SAMD3: variants seen among roughly 807,000 people sequenced by gnomAD.
SAMD3 encodes the protein sterile alpha motif domain-containing protein 3.
SAMD3 carries 63 observed loss-of-function variants against 58.5 expected under a neutral mutation model. The ratio of observed to expected loss-of-function variants is 1.08; its 90% CI spans 0.88 to 1.33. The LOEUF (loss-of-function observed/expected upper bound fraction) is 1.33, where lower values mean the gene tolerates loss of function less well. Among genes scored for constraint, SAMD3 ranks in the 40% most tolerant of loss-of-function variants. The probability of loss-of-function intolerance (pLI) is 0.00; values close to 1 mark genes in which losing one functional copy is unlikely to be tolerated. For missense variants in SAMD3, 604 were observed against 608.4 expected (o/e 0.99, Z 0.08); for synonymous variants, 220 against 210.3 (o/e 1.05, Z -0.40).
At chr6:130,333,627 C>A (rs533975021) in intron 1 of SAMD3, among the ~76,000 whole-genome samples, 1 of 152,236 alleles carries the variant, frequency 6.6e-6, no homozygotes, top group South Asian at 2.1e-4. Context: ...TAAAATTAAA[C>A]CTTGAAGAAG....
intron 2 of SAMD3, chr6:130,216,004 C>A: frequency 2.1e-6 from 1 of 467,504 alleles, no homozygotes; most frequent in South Asian, 5.0e-5. Context: ...GGATAAACTA[C>A]CACACTGACT....
In SAMD3 at chr6:130,204,985, G is replaced by A. The variant is rs898541773; in HGVS notation, c.383+4510C>T. 3.4e-4 allele frequency among the ~76,000 whole-genome samples: 52 copies of A among 151,968 alleles called. 1 individual carries two copies. The highest frequency in any genetic ancestry group is 1.3e-3 in the African/African-American group (52 of 41,366). ...AGAGACCACTTGTTGGGCAAGTGGA[G>A]GAGTCAGGATTTGAACCCAATGTGT... On this transcript the variant is annotated intron_variant, in intron 5 of 11. Coordinates refer to ENST00000439090, the MANE Select transcript of SAMD3 (RefSeq NM_001017373.4).
intron 2 of SAMD3, among the ~76,000 whole-genome samples, chr6:130,290,595 A>G (rs529388239): frequency 6.6e-6 from 1 of 152,356 alleles, no homozygotes; most frequent in South Asian, 2.1e-4. Context: ...ATTAAGATGA[A>G]TATCTGGGCT....
intron 2 of SAMD3, among the ~76,000 whole-genome samples, chr6:130,311,908 A>G (rs1776183103): frequency 6.6e-6 from 1 of 152,092 alleles, no homozygotes; most frequent in Non-Finnish European, 1.5e-5. Flanking sequence ...GGGGCCTTTG[A>G]TGAGCCCAAA....
upstream of SAMD3, among the ~76,000 whole-genome samples, chr6:130,223,220 T>G (rs140783790): frequency 6.6e-6 from 1 of 152,336 alleles, no homozygotes; most frequent in African/African-American, 2.4e-5. Flanking sequence ...GTATTAGAAT[T>G]TAGACATTGA....
rs539215779 is a variant in SAMD3, at chr6:130,327,118, G to A, written c.-303-14025C>T. 2.0e-5 allele frequency among the ~76,000 whole-genome samples: 3 copies of A among 152,082 alleles called. No homozygotes were observed. In the South Asian group the frequency reaches 6.2e-4, roughly 32 times the overall value. Reference sequence around the variant, plus strand: ...ATACTTTACCTTCCTTTCCTAGACTGTATTCTTGTTTCCTTAAATGAATTT... The same window carrying A: ...ATACTTTACCTTCCTTTCCTAGACTATATTCTTGTTTCCTTAAATGAATTT... On this transcript the variant is annotated intron_variant, in intron 1 of 13. Coordinates refer to the SAMD3 transcript ENST00000368134.
chr6:130,256,785 G>T (rs974092000), intron 2 of SAMD3, among the ~76,000 whole-genome samples: 12 of 152,196 alleles, frequency 7.9e-5, no homozygotes, highest in African/African-American at 2.7e-4. Context: ...AAACCCAGAT[G>T]TTCCAGCTTA....
chr6:130,298,432 A>T (rs117322206), intron 2 of SAMD3, among the ~76,000 whole-genome samples: 2 of 152,238 alleles, frequency 1.3e-5, no homozygotes, highest in African/African-American at 4.8e-5. Flanking sequence ...AAAAGCACAC[A>T]TAAGTACACA....
chr6:130,322,618 AGAGT>A (rs1349218574), intron 1 of SAMD3, among the ~76,000 whole-genome samples: 1 of 152,190 alleles, frequency 6.6e-6, no homozygotes, highest in East Asian at 1.9e-4. Flanking sequence ...CCTGGGCGAC[AGAGT>A]GAGTGAGACT....
intron 4 of SAMD3, among the ~76,000 whole-genome samples, chr6:130,212,223 A>G (rs7761907): frequency 0.23 from 34,307 of 152,078 alleles, 4,706 homozygotes; most frequent in East Asian, 0.46. Flanking sequence ...TAATAAATAT[A>G]TTTGACAATA....
At chr6:130,155,133 ACCT>A in intron 8 of SAMD3, 108 bp from the exon 9 acceptor site, 1 of 733,942 alleles carries the variant, frequency 1.4e-6, no homozygotes, top group Non-Finnish European at 2.3e-6. Context: ...GTATCACCAT[ACCT>A]GGTTACACTT....
At chr6:130,226,320 G>T (rs548407549), upstream of SAMD3, among the ~76,000 whole-genome samples, 1 of 152,312 alleles carries the variant, frequency 6.6e-6, no homozygotes, top group South Asian at 2.1e-4. Context: ...TTTCTTAGAA[G>T]ATTCTGATTC....
intron 2 of SAMD3, among the ~76,000 whole-genome samples, chr6:130,228,252 G>A (rs538456794): frequency 5.6e-4 from 85 of 152,348 alleles, no homozygotes; most frequent in African/African-American, 2.0e-3. Flanking sequence ...GACAGGTTGT[G>A]AGAACTCGAT....
At position 130,252,460 on chromosome 6, in the gene SAMD3, C is replaced by G. The variant is rs995601846; in HGVS notation, c.-187-29647G>C. ...TTTATTCAAAACTTTAGTTTAATTA[C>G]AGAGAGAGAAAAAGAAAGAGTAAAC... is the stretch of plus-strand genomic sequence containing the variant. On this transcript the variant is annotated intron_variant, in intron 2 of 13. Coordinates refer to the SAMD3 transcript ENST00000368134. Among the ~76,000 whole-genome samples, 79 of 151,858 alleles carry G rather than the reference C, an allele frequency of 5.2e-4. 1 individual carries two copies. The highest frequency in any genetic ancestry group is 5.2e-3 in the Admixed American group (79 of 15,248).
At chr6:130,265,023 C>A (rs949286484) in intron 2 of SAMD3, among the ~76,000 whole-genome samples, 1 of 152,182 alleles carries the variant, frequency 6.6e-6, no homozygotes, top group African/African-American at 2.4e-5. Flanking sequence ...TAAGCTAACT[C>A]TTAGGCAAAA....
chr6:130,162,399 T>TG, intron 8 of SAMD3: 1 of 597,918 alleles, frequency 1.7e-6, no homozygotes, highest in Non-Finnish European at 3.0e-6. Flanking sequence ...CTCCCAGAAA[T>TG]GAATAAAAAC....
At chr6:130,168,827 G>C (rs1367880126) in intron 8 of SAMD3, among the ~76,000 whole-genome samples, 1 of 152,096 alleles carries the variant, frequency 6.6e-6, no homozygotes, top group Non-Finnish European at 1.5e-5. Context: ...TCTTGAGACA[G>C]GGTCTGGCTC....
chr6:130,225,238 C>T (rs1216019033), upstream of SAMD3, among the ~76,000 whole-genome samples: 1 of 152,172 alleles, frequency 6.6e-6, no homozygotes, highest in African/African-American at 2.4e-5. Context: ...ACAAGTATTG[C>T]CAAGGAAGAA....
chr6:130,184,653 A>G, intron 5 of SAMD3, 30 bp from the exon 6 acceptor site: 1 of 1,566,700 alleles, frequency 6.4e-7, no homozygotes, highest in Non-Finnish European at 8.7e-7. Context: ...AAAGAATGAA[A>G]TTCTATTCCA....
Sources: allele counts gnomAD v4.1 joint callset (sites outside exome capture counted in the v4.1 genomes callset), GRCh38; gene constraint gnomAD v4.1.1; transcripts MANE v1.5; gene names NCBI Gene and HGNC (gene_info 2026-07-23, HGNC 2026-07-21).